The following AXIN1 variants were observed in gnomAD, a reference collection of about 807,000 sequenced individuals.
The protein encoded by AXIN1 is axin 1, also known as axin-1.
In AXIN1, 30 loss-of-function variants were observed where a neutral mutation model predicts 76.4. The observed-to-expected ratio is 0.39, with a 90% confidence interval of 0.29 to 0.53. The LOEUF (loss-of-function observed/expected upper bound fraction) is 0.53, where lower values mean the gene tolerates loss of function less well. Ranked by LOEUF, AXIN1 falls within the 20% of genes least tolerant of loss-of-function variation. The pLI is 0.66. For synonymous variants in AXIN1, 545 were observed against 501.4 expected (o/e 1.09, Z -1.16); for missense variants, 1,140 against 1,198.8 (o/e 0.95, Z 0.72).
At chr16:338,679 T>C (rs556311164) in intron 2 of AXIN1, among the ~76,000 whole-genome samples, 4 of 152,306 alleles carry the variant, frequency 2.6e-5, no homozygotes, top group East Asian at 1.9e-4. Context: ...TTCCAGCACT[T>C]TGGGAGGCCA....
At chr16:319,167 T>G (rs2053381880) in intron 2 of AXIN1, among the ~76,000 whole-genome samples, 1 of 152,094 alleles carries the variant, frequency 6.6e-6, no homozygotes, top group Non-Finnish European at 1.5e-5. Context: ...GCAACTCTTC[T>G]GTGTGTTCAA....
At chr16:316,196 G>C (rs772955482) in intron 2 of AXIN1, among the ~76,000 whole-genome samples, 2 of 150,690 alleles carry the variant, frequency 1.3e-5, no homozygotes, top group Non-Finnish European at 2.9e-5. Context: ...GTTTTTTTTA[G>C]ACCTTCACCT....
At chr16:344,479 T>TG (rs1567306279) in intron 2 of AXIN1, among the ~76,000 whole-genome samples, 4 of 149,456 alleles carry the variant, frequency 2.7e-5, no homozygotes, top group Admixed American at 6.7e-5. Context: ...CTTTTTTGTT[T>TG]TTTTTTTGTT....
rs545769 is a variant in AXIN1, at chr16:293,905, T to C, written c.1956-187A>G. ...ACAATAAAAACATCCCGGCCAGGCATGGTGGCTCACACCTGTAATCCCAGC... is the reference window on the plus strand; with the variant it reads ...ACAATAAAAACATCCCGGCCAGGCACGGTGGCTCACACCTGTAATCCCAGC... On this transcript the variant is annotated intron_variant, in intron 7 of 10. Coordinates refer to ENST00000262320, the MANE Select transcript of AXIN1 (RefSeq NM_003502.4). The surrounding 1 kb of genome is among the most constrained non-coding windows in gnomAD (Gnocchi z 4.6). Among the ~76,000 whole-genome samples the C allele has an allele frequency of 0.36, 55,085 of 152,046 alleles. 10,697 individuals carry two copies. Among genetic ancestry groups the C allele is most frequent in the African/African-American group, 0.48 (20,076 of 41,458 alleles).
At chr16:307,358 C>CA (rs2053055011) in intron 4 of AXIN1, among the ~76,000 whole-genome samples, 1 of 152,174 alleles carries the variant, frequency 6.6e-6, no homozygotes, top group African/African-American at 2.4e-5. Flanking sequence ...GCAACCTCTC[C>CA]AGCTTTAGAG....
At chr16:349,426 A>G (rs951284259) in intron 1 of AXIN1, among the ~76,000 whole-genome samples, 1 of 152,228 alleles carries the variant, frequency 6.6e-6, no homozygotes, top group Non-Finnish European at 1.5e-5. Flanking sequence ...ACGCCATCAC[A>G]GGAAAGAAGG....
At chr16:334,276 AGCACCCAGTACCACAGCATG>A (rs2053756541) in intron 2 of AXIN1, among the ~76,000 whole-genome samples, 1 of 150,480 alleles carries the variant, frequency 6.6e-6, no homozygotes, top group African/African-American at 2.5e-5. Context: ...CCAATAACAC[AGCACCCAGTACCACAGCATG>A]CCAATAACCC....
At chr16:342,145 G>A (rs1010281470) in intron 2 of AXIN1, among the ~76,000 whole-genome samples, 9 of 152,144 alleles carry the variant, frequency 5.9e-5, no homozygotes, top group African/African-American at 1.9e-4. Flanking sequence ...AAGTCTTGCT[G>A]CTGCTCACTC....
intron 2 of AXIN1, among the ~76,000 whole-genome samples, chr16:342,074 T>TG (rs748801042): frequency 2.0e-5 from 3 of 152,204 alleles, no homozygotes; most frequent in Non-Finnish European, 4.4e-5. Context: ...GAGCCAGCAG[T>TG]GGTAACTCGC....
intron 2 of AXIN1, among the ~76,000 whole-genome samples, chr16:329,272 CAAAAAAAAAAA>C (rs1176095680): frequency 4.2e-5 from 3 of 71,184 alleles, no homozygotes; most frequent in African/African-American, 1.6e-4. Context: ...GCGAGACTGT[CAAAAAAAAAAA>C]AAAAAAAAAA....
intron 2 of AXIN1, among the ~76,000 whole-genome samples, chr16:318,901 G>A (rs11643325): frequency 4.4e-3 from 358 of 82,012 alleles, no homozygotes; most frequent in South Asian, 0.011. Flanking sequence ...GAATGCAGCC[G>A]GGGCCTTGGT....
chr16:315,285 T>G (rs1482760283), intron 2 of AXIN1, among the ~76,000 whole-genome samples: 1 of 152,330 alleles, frequency 6.6e-6, no homozygotes, highest in South Asian at 2.1e-4. Flanking sequence ...AATCTGCACT[T>G]CCCTGATTAA....
chr16:332,343 C>T (rs1346745983), intron 2 of AXIN1, among the ~76,000 whole-genome samples: 1 of 151,606 alleles, frequency 6.6e-6, no homozygotes, highest in Non-Finnish European at 1.5e-5. Flanking sequence ...TTTGGGAGGC[C>T]AAGGCGGGCG....
chr16:287,540 C>G lies in AXIN1; in HGVS notation c.*582G>C, dbSNP rs2052413466. ...GCATGAAAAACAGACTCGGGCAGCC[C>G]CTGCTGGCCTAGCCTGAGAAATGTA... On this transcript the variant is annotated 3_prime_UTR_variant, in exon 11 of 11. Transcript: ENST00000262320. 1 of 305,356 alleles carries G rather than the reference C, an allele frequency of 3.3e-6. No individual in the cohort carries two copies. The highest frequency in any genetic ancestry group is 6.0e-6 in the Non-Finnish European group (1 of 166,202). 18.9% of individuals were successfully genotyped at this position (305,356 alleles called of 1,614,324 possible).
intron 7 of AXIN1, among the ~76,000 whole-genome samples, chr16:296,526 C>T (rs1353759796): frequency 6.6e-6 from 1 of 152,192 alleles, no homozygotes; most frequent in Non-Finnish European, 1.5e-5. Context: ...ACCGGCCCGG[C>T]GGGCAGCGGC....
Sources: allele counts gnomAD v4.1 joint callset (sites outside exome capture counted in the v4.1 genomes callset), GRCh38; gene constraint gnomAD v4.1.1; non-coding constraint Gnocchi (gnomAD v3.1); transcripts MANE v1.5; gene names NCBI Gene and HGNC (gene_info 2026-07-23, HGNC 2026-07-21).